Variants in SCN1A observed in about 807,000 individuals in gnomAD.
SCN1A encodes sodium voltage-gated channel alpha subunit 1.
SCN1A carries 13 observed loss-of-function variants against 193.7 expected under a neutral mutation model. That is an observed-to-expected ratio of 0.07 (90% CI 0.04 to 0.11). The LOEUF (loss-of-function observed/expected upper bound fraction) is 0.11. Among genes scored for constraint, SCN1A ranks in the 10% least tolerant of loss-of-function variants. The pLI is 1.00. For missense variants in SCN1A, 1,432 were observed against 2,451.1 expected (o/e 0.58, Z 8.78); for synonymous variants, 781 against 843.6 (o/e 0.93, Z 1.29).
chr2:165,998,731 C>T (rs963536343), intron 25 of SCN1A, among the ~76,000 whole-genome samples: 4 of 129,662 alleles, frequency 3.1e-5, no homozygotes, highest in African/African-American at 1.3e-4. Context: ...TGGGCTATTA[C>T]TTATAATTTA....
At position 165,992,109 on chromosome 2, in the gene SCN1A, G is replaced by A; in HGVS notation, c.5166C>T (p.Thr1722=). 2 of 1,613,908 alleles carry A rather than the reference G, an allele frequency of 1.2e-6. No homozygotes were observed. The highest frequency in any genetic ancestry group is 2.2e-5 in the East Asian group (1 of 44,842). ...NSMICLFQIT[T]SAGWDGLLAP... ...CTAGCAATCCATCCCAGCCAGCAGA[G>A]GTTGTAATTTGGAATAGGCAGATCA... is the stretch of plus-strand genomic sequence containing the variant. Residue 1722 remains threonine (T), a synonymous_variant, in exon 29 of 29, where the codon ACC becomes ACT. Transcript: ENST00000674923. This position sits in a 1 kb window ranked among gnomAD's most constrained non-coding sequence, Gnocchi z 6.5.
upstream of SCN1A, among the ~76,000 whole-genome samples, chr2:166,132,666 T>TA (rs1286551139): frequency 6.6e-6 from 1 of 152,318 alleles, no homozygotes; most frequent in Non-Finnish European, 1.5e-5. Context: ...AGTTTAAAGT[T>TA]ACAATTTTTT....
chr2:166,146,198 C>T (rs897234538), intron 1 of SCN1A, among the ~76,000 whole-genome samples: 1 of 152,136 alleles, frequency 6.6e-6, no homozygotes, highest in East Asian at 1.9e-4. Context: ...AGGTTTTGGA[C>T]TTCCACTGAC....
intron 2 of SCN1A, chr2:166,123,538 G>C (rs868365739): frequency 1.3e-5 from 2 of 152,110 alleles, no homozygotes; most frequent in African/African-American, 2.4e-5. Context: ...CGTAGAACAA[G>C]GAGTTTGATC....
chr2:166,065,032 T>C (rs1480919092), intron 4 of SCN1A, among the ~76,000 whole-genome samples: 1 of 152,224 alleles, frequency 6.6e-6, no homozygotes, highest in Non-Finnish European at 1.5e-5. Flanking sequence ...TGTGAACATA[T>C]ATTCTCACAG....
At chr2:166,068,918 T>A (rs1684124287) in intron 4 of SCN1A, among the ~76,000 whole-genome samples, 1 of 152,188 alleles carries the variant, frequency 6.6e-6, no homozygotes, top group Non-Finnish European at 1.5e-5. Flanking sequence ...AAAATGATAT[T>A]TTCTTCCATG....
intron 13 of SCN1A, 92 bp downstream of exon 13, chr2:166,044,951 G>C: frequency 1.5e-6 from 2 of 1,368,482 alleles, no homozygotes; most frequent in Non-Finnish European, 2.1e-6. Context: ...TGATTCAGTT[G>C]ATAAAAATTC....
rs1481127614 is a variant in SCN1A, at chr2:165,991,503, A to G, written c.5772T>C (p.Arg1924=). 3 of 1,613,948 alleles carry G rather than the reference A, an allele frequency of 1.9e-6. No homozygotes were observed. Among genetic ancestry groups the G allele is most frequent in the Admixed American group, 3.3e-5 (2 of 59,974 alleles). ...GCTTTAAAAGGTGGCGTCTGTAAGC[A>G]CGCTGAATAATGACAGCAGATACTT... ...QEEVSAVIIQ[R]AYRRHLLKRT... is the part of the protein sequence containing the mutation. Residue 1924 remains arginine, a synonymous_variant, in exon 29 of 29, where the codon CGT becomes CGC. Transcript: ENST00000674923.
Position 166,004,331 on chromosome 2 carries a change from C to T in SCN1A, c.4003-1578G>A, listed in dbSNP as rs144759135. On this transcript the variant is annotated intron_variant, in intron 23 of 28. Coordinates refer to ENST00000674923, the MANE Select transcript of SCN1A (RefSeq NM_001165963.4). ...TATACACAGAGTACTAATTAAAATA[C>T]GTATTTTGCCTTCAACACCCAATTT... Among the ~76,000 whole-genome samples the T allele has an allele frequency of 3.0e-3, 453 of 151,596 alleles. 2 individuals are homozygous for T. Among genetic ancestry groups the T allele is most frequent in the Non-Finnish European group, 4.4e-3 (297 of 67,660 alleles).
chr2:166,039,371 C>A, intron 17 of SCN1A, 52 bp downstream of exon 17: 4 of 1,579,258 alleles, frequency 2.5e-6, no homozygotes, highest in Non-Finnish European at 3.5e-6. Flanking sequence ...ATGCAAGAAC[C>A]CTGATTGTTA....
chr2:166,047,186 G>C (rs1013111660), intron 11 of SCN1A, among the ~76,000 whole-genome samples: 2 of 151,892 alleles, frequency 1.3e-5, no homozygotes, highest in Non-Finnish European at 1.5e-5. Context: ...TTCTATGGCA[G>C]AATTTTTGTA....
At chr2:166,039,335 T>G in intron 17 of SCN1A, 88 bp downstream of exon 17, 1 of 1,339,890 alleles carries the variant, frequency 7.5e-7, no homozygotes, top group South Asian at 1.3e-5. Flanking sequence ...CTAATGGTTG[T>G]GTGGCAAAAA....
chr2:166,071,515 C>T (rs371651391), intron 4 of SCN1A: 3 of 151,382 alleles, frequency 2.0e-5, no homozygotes, highest in African/African-American at 7.3e-5. Context: ...CCTAGTACCA[C>T]TGTCAACTGA....
rs140859114 is a variant in SCN1A at position 166,037,416 on chromosome 2, A to G, written c.2946+360T>C. On this transcript the variant is annotated intron_variant, in intron 18 of 28. Coordinates refer to ENST00000674923, the MANE Select transcript of SCN1A (RefSeq NM_001165963.4). Reference sequence around the variant, plus strand: ...TAGACTTCTCTCTTCCTTGGCTCTGAATTTATAAAATGGTCCCAGCACATC... The same window carrying G: ...TAGACTTCTCTCTTCCTTGGCTCTGGATTTATAAAATGGTCCCAGCACATC... Among the ~76,000 whole-genome samples the G allele has an allele frequency of 8.5e-5, 13 of 152,238 alleles. No individual in the cohort carries two copies. The East Asian group carries it at 2.5e-3, about 29-fold the overall frequency.
chr2:166,093,595 G>A (rs558032640), intron 2 of SCN1A, among the ~76,000 whole-genome samples: 4 of 152,052 alleles, frequency 2.6e-5, no homozygotes, highest in East Asian at 1.9e-4. Flanking sequence ...CACCCGCCTC[G>A]GCCTCCCAAA....
At chr2:166,118,122 AATG>A (rs1476409904) in intron 2 of SCN1A, among the ~76,000 whole-genome samples, 2 of 151,178 alleles carry the variant, frequency 1.3e-5, no homozygotes, top group South Asian at 4.2e-4. Context: ...AGTAAAACAA[AATG>A]CCTAGGAATG....
At chr2:166,042,501 T>C in intron 14 of SCN1A, 77 bp from the exon 15 acceptor site, 2 of 1,354,718 alleles carry the variant, frequency 1.5e-6, no homozygotes, top group South Asian at 2.4e-5. Context: ...GGTGACACAG[T>C]GAATTTCATG....
At chr2:166,047,915 G>C (rs187129421) in intron 10 of SCN1A, 147 bp from the exon 11 acceptor site, 5 of 975,862 alleles carry the variant, frequency 5.1e-6, no homozygotes, top group African/African-American at 4.9e-5. Context: ...CCCAACTTTT[G>C]ACTGCATATA....
rs747465249 is a variant in SCN1A, at chr2:166,048,962, A to G, written c.965-13T>C. On this transcript the variant is annotated splice_polypyrimidine_tract_variant and intron_variant, in intron 9 of 28. Coordinates refer to ENST00000674923, the MANE Select transcript of SCN1A (RefSeq NM_001165963.4). The stretch of plus-strand genomic sequence containing the variant: ...AAATAATGATATCCTGTTTGAAAAA[A>G]GAAAGTCGTATGATGAACATTTGCA... 1.3e-6 allele frequency: 2 copies of G among 1,555,390 alleles called. No individual in the cohort carries two copies. The highest frequency in any genetic ancestry group is 1.8e-6 in the Non-Finnish European group (2 of 1,127,060).
Sources: allele counts gnomAD v4.1 joint callset (sites outside exome capture counted in the v4.1 genomes callset), GRCh38; gene constraint gnomAD v4.1.1; non-coding constraint Gnocchi (gnomAD v3.1); transcripts MANE v1.5; gene names NCBI Gene and HGNC (gene_info 2026-07-23, HGNC 2026-07-21).